Variants in SLC44A5 observed in about 807,000 individuals in gnomAD.
The protein encoded by SLC44A5 is choline transporter-like protein 5.
SLC44A5 carries 57 observed loss-of-function variants against 101.8 expected under a neutral mutation model. The observed-to-expected ratio is 0.56, with a 90% CI of 0.45 to 0.70. The LOEUF (loss-of-function observed/expected upper bound fraction) is 0.70, where lower values mean the gene tolerates loss of function less well. Among genes scored for constraint, SLC44A5 ranks in the 30% least tolerant of loss-of-function variants. The pLI is 0.00. For synonymous variants in SLC44A5, 281 were observed against 290.9 expected (o/e 0.97, Z 0.35); for missense variants, 737 against 853.1 (o/e 0.86, Z 1.70).
At chr1:75,355,192 A>G (rs1184921201) in intron 3 of SLC44A5, among the ~76,000 whole-genome samples, 2 of 152,224 alleles carry the variant, frequency 1.3e-5, no homozygotes, top group African/African-American at 2.4e-5. Context: ...ACAAAGAAAT[A>G]AAACCAAGGT....
At chr1:75,432,860 T>C (rs1158012865) in intron 2 of SLC44A5, among the ~76,000 whole-genome samples, 1 of 152,152 alleles carries the variant, frequency 6.6e-6, no homozygotes, top group Non-Finnish European at 1.5e-5. Context: ...AGCCACTTGT[T>C]AGTGTGGATT....
intron 2 of SLC44A5, among the ~76,000 whole-genome samples, chr1:75,475,011 T>C (rs1667304303): frequency 6.6e-6 from 1 of 152,172 alleles, no homozygotes; most frequent in African/African-American, 2.4e-5. Flanking sequence ...TAAAGTAAAA[T>C]CGTTGTGTGT....
chr1:75,376,342 A>G (rs1273377095), intron 3 of SLC44A5, among the ~76,000 whole-genome samples: 1 of 152,216 alleles, frequency 6.6e-6, no homozygotes, highest in African/African-American at 2.4e-5. Flanking sequence ...ACCACAGCTC[A>G]AGGAGGCCTG....
intron 2 of SLC44A5, among the ~76,000 whole-genome samples, chr1:75,409,290 G>A (rs1465647625): frequency 6.6e-6 from 1 of 152,136 alleles, no homozygotes; most frequent in East Asian, 1.9e-4. Context: ...ATATATAACT[G>A]GGTATGTGTT....
At chr1:75,352,773 C>G (rs72684103) in intron 3 of SLC44A5, among the ~76,000 whole-genome samples, 2 of 152,124 alleles carry the variant, frequency 1.3e-5, no homozygotes, top group Admixed American at 1.3e-4. Context: ...CCCCATACTA[C>G]GTGTATGTGC....
At chr1:75,566,328 A>G (rs1672784452) in intron 1 of SLC44A5, among the ~76,000 whole-genome samples, 1 of 152,236 alleles carries the variant, frequency 6.6e-6, no homozygotes, top group Non-Finnish European at 1.5e-5. Context: ...AATTATCAAT[A>G]CTAATAAAAA....
chr1:75,329,183 C>T (rs1656834546), intron 4 of SLC44A5, among the ~76,000 whole-genome samples: 1 of 152,128 alleles, frequency 6.6e-6, no homozygotes, highest in Non-Finnish European at 1.5e-5. Flanking sequence ...CTCTAGACTC[C>T]TCCCTGCTGG....
intron 13 of SLC44A5, among the ~76,000 whole-genome samples, chr1:75,227,311 G>A (rs1228366018): frequency 6.6e-6 from 1 of 152,152 alleles, no homozygotes; most frequent in African/African-American, 2.4e-5. Flanking sequence ...GGTGAAGTTA[G>A]CCATGATTGT....
chr1:75,520,011 T>C (rs1241603436), intron 2 of SLC44A5, among the ~76,000 whole-genome samples: 1 of 152,226 alleles, frequency 6.6e-6, no homozygotes, highest in Non-Finnish European at 1.5e-5. Context: ...ATAAAGGTCA[T>C]TTTTTAAAAA....
intron 1 of SLC44A5, among the ~76,000 whole-genome samples, chr1:75,607,472 A>T (rs1675388487): frequency 6.6e-6 from 1 of 152,052 alleles, no homozygotes; most frequent in South Asian, 2.1e-4. Context: ...GTATGTATTC[A>T]AAGTGTACAA....
intron 2 of SLC44A5, among the ~76,000 whole-genome samples, chr1:75,437,919 T>C (rs368872705): frequency 1.3e-4 from 20 of 152,162 alleles, no homozygotes; most frequent in African/African-American, 4.8e-4. Flanking sequence ...ATAGTGGGTT[T>C]CCAATAATGC....
At chr1:75,372,056 G>T (rs1011512622) in intron 3 of SLC44A5, among the ~76,000 whole-genome samples, 2 of 152,086 alleles carry the variant, frequency 1.3e-5, no homozygotes, top group African/African-American at 4.8e-5. Flanking sequence ...CATTAGCCGG[G>T]CATGTTGGCA....
intron 4 of SLC44A5, among the ~76,000 whole-genome samples, chr1:75,312,517 G>C (rs775064688): frequency 6.6e-6 from 1 of 151,902 alleles, no homozygotes; most frequent in African/African-American, 2.4e-5. Context: ...GGGGATGGGG[G>C]GTGTTACAGA....
chr1:75,468,439 G>A (rs1666934924), intron 2 of SLC44A5, among the ~76,000 whole-genome samples: 1 of 152,072 alleles, frequency 6.6e-6, no homozygotes, highest in South Asian at 2.1e-4. Context: ...CAACAAATGA[G>A]TAAATAAAGA....
At chr1:75,245,076 G>A (rs1456191380) in intron 7 of SLC44A5, among the ~76,000 whole-genome samples, 1 of 152,094 alleles carries the variant, frequency 6.6e-6, no homozygotes, top group African/African-American at 2.4e-5. Flanking sequence ...AGCTAAGTTA[G>A]CAGGAGAATA....
At chr1:75,612,488 T>G (rs1675697885), upstream of SLC44A5, among the ~76,000 whole-genome samples, 1 of 152,200 alleles carries the variant, frequency 6.6e-6, no homozygotes, top group Non-Finnish European at 1.5e-5. Context: ...ATCACTTGTT[T>G]CCCGACACAA....
intron 23 of SLC44A5, chr1:75,205,720 T>C (rs768608974): frequency 6.6e-6 from 1 of 152,172 alleles, no homozygotes; most frequent in Admixed American, 6.5e-5. Flanking sequence ...AAACCTTCTG[T>C]AGAACAAAGC....
chr1:75,375,013 G>A (rs1483103235), intron 3 of SLC44A5, among the ~76,000 whole-genome samples: 1 of 152,188 alleles, frequency 6.6e-6, no homozygotes. Context: ...TAACCAGATT[G>A]AAATGTCTGA....
At chr1:75,356,511 T>C (rs1296860330) in intron 3 of SLC44A5, among the ~76,000 whole-genome samples, 1 of 152,008 alleles carries the variant, frequency 6.6e-6, no homozygotes, top group Non-Finnish European at 1.5e-5. Flanking sequence ...TAACCTATTA[T>C]TACAAGACTC....
Sources: allele counts gnomAD v4.1 joint callset (sites outside exome capture counted in the v4.1 genomes callset), GRCh38; gene constraint gnomAD v4.1.1; transcripts MANE v1.5; gene names NCBI Gene and HGNC (gene_info 2026-07-23, HGNC 2026-07-21).